STON1: variants seen among roughly 807,000 people sequenced by gnomAD.
The protein encoded by STON1 is stonin-1.
Under a neutral mutation model 60.9 loss-of-function variants are expected in STON1, and 79 were observed. The observed-to-expected ratio is 1.30, with a 90% CI of 1.08 to 1.56. The LOEUF (loss-of-function observed/expected upper bound fraction) is 1.56, where lower values mean the gene tolerates loss of function less well. STON1 is among the 40% of genes most tolerant of loss of function. The probability of loss-of-function intolerance (pLI) is 0.00; values close to 1 mark genes in which losing one functional copy is unlikely to be tolerated. For missense variants in STON1, 1,166 were observed against 858.9 expected (o/e 1.36, Z -4.47); for synonymous variants, 363 against 306.9 (o/e 1.18, Z -1.91).
chr2:48,557,121 G>A (rs1170854775), intron 1 of STON1, among the ~76,000 whole-genome samples: 7 of 102,354 alleles, frequency 6.8e-5, no homozygotes, highest in Non-Finnish European at 1.0e-4. Context: ...GGGCGGAGAC[G>A]CTCCTCACTT....
At chr2:48,571,002 A>G (rs924950226) in intron 1 of STON1, among the ~76,000 whole-genome samples, 1 of 151,604 alleles carries the variant, frequency 6.6e-6, no homozygotes, top group African/African-American at 2.4e-5. Context: ...AGCTGTGAGG[A>G]GCACCACCAC....
At chr2:48,589,240 G>A (rs1031889891) in intron 2 of STON1, among the ~76,000 whole-genome samples, 17 of 152,024 alleles carry the variant, frequency 1.1e-4, no homozygotes, top group African/African-American at 4.1e-4. Context: ...TCAGTTTCAG[G>A]TGTAAAATAT....
At position 48,582,066 on chromosome 2, in the gene STON1, A is replaced by G. The variant is rs143114677; in HGVS notation, c.1433A>G (p.Lys478Arg). Residue 478 changes from lysine (K) to arginine (R), a missense_variant, in exon 2 of 4, where the codon AAG (lysine) becomes AGG (arginine). Coordinates refer to ENST00000404752, the MANE Select transcript of STON1 (RefSeq NM_006873.4). ...TATTATGAGAAGGACTCAGAAAAAA[A>G]GGGGATTGATATTCTTGACTACCAT... is the stretch of plus-strand genomic sequence containing the variant. ...ESYYEKDSEK[K>R]GIDILDYHFH... 9.9e-5 allele frequency: 160 copies of G among 1,614,228 alleles called. No individual in the cohort carries two copies. The highest frequency in any genetic ancestry group is 2.7e-4 in the Admixed American group (16 of 60,026).
chr2:48,534,360 C>G (rs1671341591), intron 1 of STON1, among the ~76,000 whole-genome samples: 1 of 152,120 alleles, frequency 6.6e-6, no homozygotes, highest in Non-Finnish European at 1.5e-5. Context: ...GGTAACTCAT[C>G]CATGGTCACA....
At chr2:48,554,536 A>C (rs1672231100) in intron 1 of STON1, among the ~76,000 whole-genome samples, 3 of 151,978 alleles carry the variant, frequency 2.0e-5, no homozygotes, top group Non-Finnish European at 4.4e-5. Context: ...TGCTTCTTTA[A>C]ATTGGACTCA....
At chr2:48,556,790 G>T (rs535680617) in intron 1 of STON1, among the ~76,000 whole-genome samples, 3,041 of 56,262 alleles carry the variant, frequency 0.054, 457 homozygotes, top group Non-Finnish European at 0.079. Context: ...CTGCCCGGGC[G>T]GGGGGGCTGA....
At chr2:48,534,219 A>T (rs952431166) in intron 1 of STON1, among the ~76,000 whole-genome samples, 1 of 152,310 alleles carries the variant, frequency 6.6e-6, no homozygotes, top group African/African-American at 2.4e-5. Flanking sequence ...TGTATTTCTC[A>T]ACTTTTATAG....
chr2:48,560,420 C>CT (rs1258416013), intron 1 of STON1, among the ~76,000 whole-genome samples: 2 of 152,198 alleles, frequency 1.3e-5, no homozygotes, highest in South Asian at 2.1e-4. Context: ...GGATAATGCC[C>CT]TTTCTCATTT....
chr2:48,549,560 C>T (rs1425240168), intron 1 of STON1, among the ~76,000 whole-genome samples: 1 of 152,028 alleles, frequency 6.6e-6, no homozygotes, highest in African/African-American at 2.4e-5. Flanking sequence ...GCCTGTAATC[C>T]CAGCACTTTG....
Position 48,597,168 on chromosome 2 carries a change from A to T in STON1, c.*1866A>T, listed in dbSNP as rs1319433270. 6.6e-6 allele frequency: 1 copy of T among 152,116 alleles called. No homozygotes were observed. The highest frequency in any genetic ancestry group is 1.5e-5 in the Non-Finnish European group (1 of 68,026). 9.4% of individuals were successfully genotyped at this position (152,116 alleles called of 1,614,324 possible). A position where few individuals can be genotyped will look rare whatever the true frequency, so the allele number is the denominator to read the frequency against. On this transcript the variant is annotated 3_prime_UTR_variant, in exon 4 of 4. Transcript: ENST00000404752. ...ATGCCCGGCCGCTATTGCTCTTTTT[A>T]ACTTCATTTGATGCCTTGCTTATAA...
At chr2:48,572,853 C>A (rs1024738500) in intron 1 of STON1, among the ~76,000 whole-genome samples, 1 of 152,200 alleles carries the variant, frequency 6.6e-6, no homozygotes, top group Non-Finnish European at 1.5e-5. Context: ...CCCATCGAAA[C>A]CCTGCTCTCC....
At chr2:48,543,482 C>G (rs927396420) in intron 1 of STON1, among the ~76,000 whole-genome samples, 1 of 151,504 alleles carries the variant, frequency 6.6e-6, no homozygotes, top group African/African-American at 2.4e-5. Flanking sequence ...TGTTAATGCT[C>G]CTGCCTTTTA....
chr2:48,561,465 G>A (rs915117778), intron 1 of STON1, among the ~76,000 whole-genome samples: 18 of 152,152 alleles, frequency 1.2e-4, no homozygotes, highest in African/African-American at 2.9e-4. Context: ...CTGATTGTGC[G>A]AACCTCAGGA....
intron 2 of STON1, among the ~76,000 whole-genome samples, chr2:48,587,807 T>C (rs996148229): frequency 5.3e-5 from 8 of 152,184 alleles, no homozygotes; most frequent in Admixed American, 3.3e-4. Flanking sequence ...GCTGCTTTAT[T>C]GAGATCAGGT....
In STON1 at chr2:48,584,241, C is replaced by A. The variant is rs146524267; in HGVS notation, c.1930+1678C>A. ...GAGGAAGCATTTTTCTTTGGGGTGG[C>A]CTTATGGCAGTGTTTCTCAAACCTG... On this transcript the variant is annotated intron_variant, in intron 2 of 3. Coordinates refer to ENST00000404752, the MANE Select transcript of STON1 (RefSeq NM_006873.4). Among the ~76,000 whole-genome samples the A allele has an allele frequency of 1.1e-3, 166 of 152,134 alleles. 1 individual carries two copies. Among genetic ancestry groups the A allele is most frequent in the African/African-American group, 3.8e-3 (157 of 41,524 alleles).
intron 1 of STON1, among the ~76,000 whole-genome samples, chr2:48,544,095 C>T (rs1468447171): frequency 6.6e-6 from 1 of 152,134 alleles, no homozygotes; most frequent in African/African-American, 2.4e-5. Context: ...CTGTATTTGG[C>T]TCAGAACATG....
chr2:48,568,796 C>G (rs950264974), intron 1 of STON1, among the ~76,000 whole-genome samples: 2 of 152,176 alleles, frequency 1.3e-5, no homozygotes, highest in African/African-American at 4.8e-5. Context: ...TTTCCCACAG[C>G]CTGATGTCCA....
At chr2:48,535,370 T>C (rs1671382325) in intron 1 of STON1, among the ~76,000 whole-genome samples, 1 of 152,162 alleles carries the variant, frequency 6.6e-6, no homozygotes, top group South Asian at 2.1e-4. Context: ...ATATTTAGTG[T>C]GAGTGATTCT....
chr2:48,591,558 C>A, intron 2 of STON1, 95 bp from the exon 3 acceptor site: 1 of 1,497,260 alleles, frequency 6.7e-7, no homozygotes, highest in South Asian at 1.3e-5. Flanking sequence ...TAATGAAATT[C>A]CTTATTAAGG....
Sources: gnomAD v4.1 joint callset for allele counts (sites outside exome capture counted in the v4.1 genomes callset) on GRCh38, gnomAD v4.1.1 for gene constraint, MANE v1.5 for transcripts, NCBI Gene and HGNC (gene_info 2026-07-23, HGNC 2026-07-21) for gene names.